PHF24: variants seen among roughly 807,000 people sequenced by gnomAD.
PHF24 encodes PHD finger protein 24.
PHF24 carries 25 observed loss-of-function variants against 42.6 expected under a neutral mutation model. The observed-to-expected ratio is 0.59, with a 90% CI of 0.43 to 0.82. PHF24 has a LOEUF of 0.82. Among genes scored for constraint, PHF24 ranks in the 40% least tolerant of loss-of-function variants. PHF24 has a pLI of 0.00. For missense variants in PHF24, 470 were observed against 538.1 expected (o/e 0.87, Z 1.25); for synonymous variants, 185 against 204.8 (o/e 0.90, Z 0.83).
chr9:34,938,594 C>T, the PHF24 span, among the ~76,000 whole-genome samples: 1 of 152,126 alleles, frequency 6.6e-6, no homozygotes, highest in Non-Finnish European at 1.5e-5. Flanking sequence ...ACTGAACTTC[C>T]CTGAAACATA....
At chr9:34,806,438 T>C in the PHF24 span, among the ~76,000 whole-genome samples, 5 of 152,172 alleles carry the variant, frequency 3.3e-5, no homozygotes, top group Non-Finnish European at 7.4e-5. Flanking sequence ...TTGCTGTTGT[T>C]GTTGTTGTTT....
At chr9:34,749,399 T>C in the PHF24 span, among the ~76,000 whole-genome samples, 1 of 151,974 alleles carries the variant, frequency 6.6e-6, no homozygotes, top group Non-Finnish European at 1.5e-5. Context: ...GAAGACTACC[T>C]CAAGGCATTT....
chr9:34,978,220 C>A, exon 8 of PHF24: 1 of 798,244 alleles, frequency 1.3e-6, no homozygotes, highest in Non-Finnish European at 2.1e-6. Context: ...TGGGACACTG[C>A]CAGCGTCTTA....
exon 8 of PHF24, chr9:34,978,491 G>A (rs181234754): frequency 4.4e-5 from 9 of 204,052 alleles, no homozygotes; most frequent in Non-Finnish European, 7.0e-5. Flanking sequence ...GTATAGAGGA[G>A]GGGGTCTCTA....
the PHF24 span, among the ~76,000 whole-genome samples, chr9:34,755,685 G>GC: frequency 6.6e-6 from 1 of 151,866 alleles, no homozygotes; most frequent in African/African-American, 2.4e-5. Flanking sequence ...TTGCTCTGTT[G>GC]CCCAAGCTGG....
the PHF24 span, chr9:34,709,902 A>G: frequency 6.2e-7 from 1 of 1,614,162 alleles, no homozygotes; most frequent in Non-Finnish European, 8.5e-7. Context: ...CACTGCCTGC[A>G]GGGTGGGATT....
chr9:34,783,749 T>G, the PHF24 span, among the ~76,000 whole-genome samples: 3 of 152,254 alleles, frequency 2.0e-5, no homozygotes, highest in Non-Finnish European at 4.4e-5. Context: ...AATGTAATAC[T>G]GCATTGGGAG....
At chr9:34,920,314 C>T in the PHF24 span, among the ~76,000 whole-genome samples, 1 of 152,052 alleles carries the variant, frequency 6.6e-6, no homozygotes, top group African/African-American at 2.4e-5. Flanking sequence ...TCAGTGAGTT[C>T]ACTGTAGATG....
chr9:34,878,710 G>A, the PHF24 span, among the ~76,000 whole-genome samples: 28 of 152,326 alleles, frequency 1.8e-4, no homozygotes, highest in South Asian at 8.3e-4. Flanking sequence ...TAAACAAAGC[G>A]GCTAGAAAGC....
the PHF24 span, among the ~76,000 whole-genome samples, chr9:34,710,492 A>AGGG: frequency 7.2e-6 from 1 of 139,440 alleles, no homozygotes; most frequent in African/African-American, 2.7e-5. Context: ...TTTTTGAGAC[A>AGGG]GGGTCTAACT....
At chr9:34,856,993 G>A in the PHF24 span, among the ~76,000 whole-genome samples, 1 of 152,240 alleles carries the variant, frequency 6.6e-6, no homozygotes, top group Non-Finnish European at 1.5e-5. Flanking sequence ...ACCACCCAGT[G>A]AGAAGGGATG....
the PHF24 span, among the ~76,000 whole-genome samples, chr9:34,887,906 T>G: frequency 6.6e-6 from 1 of 152,164 alleles, no homozygotes; most frequent in African/African-American, 2.4e-5. Flanking sequence ...TGCTCAATAT[T>G]TATTGAAGGA....
chr9:34,813,255 T>C, the PHF24 span, among the ~76,000 whole-genome samples: 1 of 152,192 alleles, frequency 6.6e-6, no homozygotes, highest in African/African-American at 2.4e-5. Flanking sequence ...TCACTGCACA[T>C]TAAGCAGGTG....
chr9:34,692,480 G>A, the PHF24 span, among the ~76,000 whole-genome samples: 63 of 152,212 alleles, frequency 4.1e-4, 2 homozygotes, highest in South Asian at 0.013. Context: ...GTGCTCTAGG[G>A]TTTGCAGTCT....
chr9:34,823,469 C>G, the PHF24 span, among the ~76,000 whole-genome samples: 1 of 152,124 alleles, frequency 6.6e-6, no homozygotes, highest in African/African-American at 2.4e-5. Context: ...CCTTCGGGTC[C>G]CATCCTTGCC....
chr9:34,971,268 C>A, intron 1 of PHF24, 27 bp from the exon 2 acceptor site: 1 of 1,565,980 alleles, frequency 6.4e-7, no homozygotes, highest in Non-Finnish European at 8.7e-7. Context: ...TTGGCTGAAC[C>A]TGTGCCCCTC....
At chr9:34,823,355 A>G in the PHF24 span, among the ~76,000 whole-genome samples, 2 of 152,244 alleles carry the variant, frequency 1.3e-5, no homozygotes, top group East Asian at 3.9e-4. Context: ...TTCCTCTCCT[A>G]GAATCCCAGT....
chr9:34,747,777 A>C, the PHF24 span, among the ~76,000 whole-genome samples: 16 of 152,306 alleles, frequency 1.1e-4, 1 homozygote, highest in East Asian at 2.1e-3. Flanking sequence ...TTTCCTGATG[A>C]CCCGGAAATT....
At chr9:34,792,018 C>T in the PHF24 span, among the ~76,000 whole-genome samples, 9 of 152,254 alleles carry the variant, frequency 5.9e-5, no homozygotes, top group East Asian at 9.7e-4. Context: ...TTTAAGAAGG[C>T]ATTTTACAGC....
Sources: gnomAD v4.1 joint callset for allele counts (sites outside exome capture counted in the v4.1 genomes callset) on GRCh38, gnomAD v4.1.1 for gene constraint, MANE v1.5 for transcripts, NCBI Gene and HGNC (gene_info 2026-07-23, HGNC 2026-07-21) for gene names.